COL4A4: variants seen among roughly 807,000 people sequenced by gnomAD.
The protein encoded by COL4A4 is collagen type IV alpha 4 chain.
Under a neutral mutation model 192.9 loss-of-function variants are expected in COL4A4, and 105 were observed. That is an observed-to-expected ratio of 0.54 (90% CI 0.46 to 0.64). COL4A4 has a LOEUF of 0.64. Ranked by LOEUF, COL4A4 falls within the 30% of genes least tolerant of loss-of-function variation. The probability of loss-of-function intolerance (pLI) is 0.00; values close to 1 mark genes in which losing one functional copy is unlikely to be tolerated. For missense variants in COL4A4, 1,967 were observed against 2,169.3 expected (o/e 0.91, Z 1.85); for synonymous variants, 762 against 769.9 (o/e 0.99, Z 0.17).
chr2:227,030,298 C>T, intron 41 of COL4A4, 145 bp downstream of exon 41: 1 of 873,524 alleles, frequency 1.1e-6, no homozygotes, highest in Non-Finnish European at 1.8e-6. Flanking sequence ...ACCCAAACTT[C>T]AGGACTCTTT....
At chr2:227,074,352 A>T (rs964221451) in intron 25 of COL4A4, among the ~76,000 whole-genome samples, 1 of 152,202 alleles carries the variant, frequency 6.6e-6, no homozygotes, top group Non-Finnish European at 1.5e-5. Flanking sequence ...GCAATGAGAT[A>T]TTGCCTTACT....
Position 227,144,503 on chromosome 2 carries a change from TGA to T in COL4A4, c.114+11_114+12del. ...ATTTTCACAACGCAACCAGAGCTAG[TGA>T]ATGTACTTACCCCATATACATATTG... On this transcript the variant is annotated intron_variant, in intron 3 of 47. Coordinates refer to ENST00000396625, the MANE Select transcript of COL4A4 (RefSeq NM_000092.5). The T allele has an allele frequency of 1.2e-6, 2 of 1,606,634 alleles. No homozygotes were observed. Among genetic ancestry groups the T allele is most frequent in the Non-Finnish European group, 1.7e-6 (2 of 1,173,492 alleles).
At chr2:227,041,800 G>GA (rs1971103386) in intron 37 of COL4A4, among the ~76,000 whole-genome samples, 2 of 51,536 alleles carry the variant, frequency 3.9e-5, no homozygotes, top group Non-Finnish European at 7.1e-5. Context: ...AAGAAAGAAA[G>GA]AAAGGAAGAA....
chr2:227,013,719 A>AC (rs1228978415), intron 44 of COL4A4, among the ~76,000 whole-genome samples: 3 of 152,170 alleles, frequency 2.0e-5, no homozygotes, highest in Non-Finnish European at 4.4e-5. Context: ...GCCCGAGCAG[A>AC]CCAACACGTA....
At position 227,103,172 on chromosome 2, in the gene COL4A4, AC is replaced by A; in HGVS notation, c.841del (p.Val281LeufsTer44). The A allele has an allele frequency of 6.2e-7, 1 of 1,613,196 alleles. No individual in the cohort carries two copies. Among genetic ancestry groups the A allele is most frequent in the Non-Finnish European group, 8.5e-7 (1 of 1,179,618 alleles). ...EKGIKGIPGM[V>X]GLPGPPGRKG... The stretch of plus-strand genomic sequence containing the variant: ...GCGTCCTGGTGGTCCTGGCAGTCCA[AC>A]CATTCCAGGAATTCCTTTTATACCC... On this transcript the variant is annotated frameshift_variant, in exon 14 of 48. Coordinates refer to ENST00000396625, the MANE Select transcript of COL4A4 (RefSeq NM_000092.5). LOFTEE classifies it high-confidence loss of function.
At chr2:227,026,086 CT>C (rs897780477) in intron 42 of COL4A4, among the ~76,000 whole-genome samples, 1 of 152,062 alleles carries the variant, frequency 6.6e-6, no homozygotes, top group African/African-American at 2.4e-5. Flanking sequence ...TAGTTGATTT[CT>C]TCTGGCAAAT....
intron 21 of COL4A4, among the ~76,000 whole-genome samples, chr2:227,089,178 G>GAA (rs11396112): frequency 2.0e-3 from 295 of 150,514 alleles, no homozygotes; most frequent in African/African-American, 3.4e-3. Context: ...GGTTCCTCCT[G>GAA]AAAAAAAAAC....
At chr2:227,160,160 T>C (rs1369539161) in intron 1 of COL4A4, among the ~76,000 whole-genome samples, 1 of 152,164 alleles carries the variant, frequency 6.6e-6, no homozygotes, top group Non-Finnish European at 1.5e-5. Flanking sequence ...ACACAAGAGA[T>C]AAAACAAAAA....
chr2:227,064,844 T>G (rs1191937386), intron 25 of COL4A4, among the ~76,000 whole-genome samples: 1 of 152,116 alleles, frequency 6.6e-6, no homozygotes, highest in Non-Finnish European at 1.5e-5. Context: ...GCTGAGGAAA[T>G]TTTTCACTAC....
chr2:227,052,544 A>C lies in COL4A4; in HGVS notation c.2861-132T>G. ...AAGCTCTATTTATGTAGATCACAAA[A>C]TGTCACCATTGTTGGCTGATTTCCT... On this transcript the variant is annotated intron_variant, in intron 31 of 47. Coordinates refer to ENST00000396625, the MANE Select transcript of COL4A4 (RefSeq NM_000092.5). The C allele has an allele frequency of 5.8e-6, 4 of 690,186 alleles. No individual in the cohort carries two copies. The South Asian group carries it at 6.1e-5, about 11-fold the overall frequency. 42.8% of individuals were successfully genotyped at this position (690,186 alleles called of 1,614,324 possible). A position where few individuals can be genotyped will look rare whatever the true frequency, so the allele number is the denominator to read the frequency against.
chr2:227,001,638 G>A (rs1007692077), downstream of COL4A4, among the ~76,000 whole-genome samples: 2 of 152,210 alleles, frequency 1.3e-5, no homozygotes, highest in Admixed American at 1.3e-4. Context: ...ACAGACAGAC[G>A]AGGGTTTGGA....
At chr2:227,109,320 C>A in intron 9 of COL4A4, 34 bp from the exon 10 acceptor site, 1 of 1,560,714 alleles carries the variant, frequency 6.4e-7, no homozygotes, top group Non-Finnish European at 8.8e-7. Flanking sequence ...ATCTGTTACC[C>A]AAAATTGTAA....
intron 1 of COL4A4, among the ~76,000 whole-genome samples, chr2:227,151,614 C>T (rs2063951282): frequency 6.6e-6 from 1 of 152,188 alleles, no homozygotes; most frequent in Non-Finnish European, 1.5e-5. Context: ...TAGTAAACTG[C>T]CATGGTCTGA....
chr2:226,987,232 G>T, the COL4A4 span, among the ~76,000 whole-genome samples: 1 of 152,112 alleles, frequency 6.6e-6, no homozygotes, highest in Non-Finnish European at 1.5e-5. Flanking sequence ...TGCATCTGGG[G>T]CTTATAACGA....
chr2:227,002,608 G>T (rs1031903301), downstream of COL4A4: 1 of 152,444 alleles, frequency 6.6e-6, no homozygotes, highest in Admixed American at 6.5e-5. Flanking sequence ...CCCTTCTGCA[G>T]TTCACACTTC....
At chr2:227,032,428 C>T (rs182005981) in intron 38 of COL4A4, 152 bp from the exon 39 acceptor site, 28 of 811,156 alleles carry the variant, frequency 3.5e-5, no homozygotes, top group Non-Finnish European at 5.5e-5. Context: ...AATGTCTGCA[C>T]CATTTCTCTC....
At chr2:227,156,295 A>G (rs2125502133) in intron 1 of COL4A4, among the ~76,000 whole-genome samples, 1 of 151,720 alleles carries the variant, frequency 6.6e-6, no homozygotes, top group Non-Finnish European at 1.5e-5. Flanking sequence ...GCTACGTGGG[A>G]GGCTGAGGTG....
chr2:227,107,383 C>A (rs183254341), intron 12 of COL4A4, among the ~76,000 whole-genome samples: 27 of 152,166 alleles, frequency 1.8e-4, no homozygotes, highest in Non-Finnish European at 2.2e-4. Flanking sequence ...TTGAGAAATC[C>A]CTCTCTGTGT....
intron 44 of COL4A4, among the ~76,000 whole-genome samples, chr2:227,016,342 G>A (rs1237186542): frequency 6.6e-6 from 1 of 152,100 alleles, no homozygotes; most frequent in Non-Finnish European, 1.5e-5. Context: ...CCATGACCCA[G>A]GCCTGTGTAT....
Sources: gnomAD v4.1 joint callset for allele counts (sites outside exome capture counted in the v4.1 genomes callset) on GRCh38, gnomAD v4.1.1 for gene constraint, MANE v1.5 for transcripts, NCBI Gene and HGNC (gene_info 2026-07-23, HGNC 2026-07-21) for gene names.